Variants in DNAH7 observed in about 807,000 individuals in gnomAD.
DNAH7 encodes dynein axonemal heavy chain 7, also known as axonemal beta dynein heavy chain 7.
A neutral mutation model predicts 444.6 loss-of-function variants in DNAH7; 397 were observed. The observed-to-expected ratio is 0.89, with a 90% CI of 0.82 to 0.97. DNAH7 has a LOEUF of 0.97. Ranked by LOEUF, DNAH7 falls within the 50% of genes least tolerant of loss-of-function variation. DNAH7 has a pLI of 0.00. For missense variants in DNAH7, 4,902 were observed against 4,800.8 expected, an observed-to-expected ratio of 1.02 and a Z score of -0.62; for synonymous variants, 1,636 against 1,624.4, an observed-to-expected ratio of 1.01 and a Z score of -0.17.
intron 6 of DNAH7, among the ~76,000 whole-genome samples, chr2:196,027,220 A>C (rs1259253580): frequency 1.3e-5 from 2 of 152,020 alleles, no homozygotes. Flanking sequence ...GTCCATGCTG[A>C]ATTAGTGTTT....
At chr2:196,025,224 C>A (rs1695609628) in intron 7 of DNAH7, among the ~76,000 whole-genome samples, 1 of 152,118 alleles carries the variant, frequency 6.6e-6, no homozygotes, top group Non-Finnish European at 1.5e-5. Flanking sequence ...GCCTTGTTCT[C>A]TTTTAAGTTG....
chr2:195,779,128 G>C (rs1851148), intron 58 of DNAH7, among the ~76,000 whole-genome samples: 152,364 of 152,366 alleles, frequency 1, 76,181 homozygotes, highest in Non-Finnish European at 1. Context: ...CAGGCGTGAC[G>C]TACCGCTCCC....
At chr2:195,769,659 C>T (rs929049500) in intron 61 of DNAH7, among the ~76,000 whole-genome samples, 13 of 152,002 alleles carry the variant, frequency 8.6e-5, no homozygotes, top group African/African-American at 3.1e-4. Context: ...GACATTATGA[C>T]TTCTGTTCGT....
At chr2:196,054,750 T>C (rs971872649) in intron 2 of DNAH7, among the ~76,000 whole-genome samples, 1 of 152,088 alleles carries the variant, frequency 6.6e-6, no homozygotes, top group Non-Finnish European at 1.5e-5. Flanking sequence ...GGGAGCAGTT[T>C]CCCCCATGCT....
chr2:195,836,878 G>A (rs1341816369), intron 47 of DNAH7, among the ~76,000 whole-genome samples: 1 of 152,034 alleles, frequency 6.6e-6, no homozygotes, highest in African/African-American at 2.4e-5. Flanking sequence ...TGTTCATCCT[G>A]TTTATTTGTC....
chr2:195,794,865 A>G (rs949084076), intron 56 of DNAH7, among the ~76,000 whole-genome samples: 4 of 152,232 alleles, frequency 2.6e-5, no homozygotes, highest in African/African-American at 7.2e-5. Flanking sequence ...TGTTGCTGAA[A>G]TATTTACAGA....
chr2:195,888,263 T>C lies in DNAH7; in HGVS notation c.5401A>G (p.Thr1801Ala). 6.2e-7 allele frequency: 1 copy of C among 1,607,572 alleles called. No individual in the cohort carries two copies. Among genetic ancestry groups the C allele is most frequent in the Non-Finnish European group, 8.5e-7 (1 of 1,177,738 alleles). Residue 1801 changes from threonine (T) to alanine (A), a missense_variant, in exon 33 of 65, where the codon ACA becomes GCA. Thr to Ala is a moderately conservative substitution (Grantham distance 58, BLOSUM62 0). Coordinates refer to ENST00000312428, the MANE Select transcript of DNAH7 (RefSeq NM_018897.3). ...PVSVEFIRKHTKELSPTSDTN... is the reference protein window; with the variant it reads ...PVSVEFIRKHAKELSPTSDTN... ...AAAATTCTCATTTCCCTTACCTTTG[T>C]ATGCTTTCTAATAAATTCAACCGAA...
At chr2:196,051,355 C>T (rs762539993) in intron 2 of DNAH7, 106 bp from the exon 3 acceptor site, 3 of 832,714 alleles carry the variant, frequency 3.6e-6, no homozygotes, top group Non-Finnish European at 6.2e-6. Flanking sequence ...TACATATTAT[C>T]CAACATATTC....
At chr2:196,031,490 A>G (rs1207799827) in intron 5 of DNAH7, among the ~76,000 whole-genome samples, 8 of 152,188 alleles carry the variant, frequency 5.3e-5, no homozygotes, top group Admixed American at 5.2e-4. Context: ...CTCCTCTGAA[A>G]ATAAGATTTT....
intron 63 of DNAH7, among the ~76,000 whole-genome samples, chr2:195,752,496 T>G (rs1023174783): frequency 2.0e-5 from 3 of 152,142 alleles, no homozygotes; most frequent in Non-Finnish European, 2.9e-5. Flanking sequence ...AGATCTAGAT[T>G]GAAGATTCAG....
At position 196,023,539 on chromosome 2, in the gene DNAH7, C is replaced by G. The variant is rs138398625; in HGVS notation, c.743+890G>C. ...AACATTTCTTCTGCAGCTTCCTTAC[C>G]TTTCTCAGCCTTTACGGAACTGAAG... On this transcript the variant is annotated intron_variant, in intron 8 of 64. Coordinates refer to ENST00000312428, the MANE Select transcript of DNAH7 (RefSeq NM_018897.3). Among the ~76,000 whole-genome samples, 468 of 152,288 alleles carry G rather than the reference C, an allele frequency of 3.1e-3. 4 individuals carry two copies. The highest frequency in any genetic ancestry group is 5.4e-3 in the Non-Finnish European group (367 of 68,022).
At chr2:195,908,999 C>T (rs944410605) in intron 25 of DNAH7, among the ~76,000 whole-genome samples, 26 of 151,852 alleles carry the variant, frequency 1.7e-4, no homozygotes, top group African/African-American at 3.4e-4. Context: ...AATTTGGAAA[C>T]GTAAACATTC....
Position 195,749,810 on chromosome 2 carries a change from C to T in DNAH7, c.11764+4527G>A, listed in dbSNP as rs190128929. The stretch of plus-strand genomic sequence containing the variant: ...GGACACATGGACACAGGAAGGGGAA[C>T]ATCACACTCTGGGGACTGTTGTGGG... On this transcript the variant is annotated intron_variant, in intron 63 of 64. Coordinates refer to ENST00000312428, the MANE Select transcript of DNAH7 (RefSeq NM_018897.3). 3.1e-3 allele frequency among the ~76,000 whole-genome samples: 420 copies of T among 136,978 alleles called. 3 individuals are homozygous for T. Among genetic ancestry groups the T allele is most frequent in the African/African-American group, 0.011 (393 of 36,342 alleles). The allele number at this position is 136,978 out of a possible 152,430, so 89.9% of individuals were successfully genotyped here. A position where few individuals can be genotyped will look rare whatever the true frequency, so the allele number is the denominator to read the frequency against.
intron 46 of DNAH7, among the ~76,000 whole-genome samples, chr2:195,850,978 G>T (rs944004567): frequency 6.6e-6 from 1 of 152,180 alleles, no homozygotes; most frequent in Non-Finnish European, 1.5e-5. Flanking sequence ...ATTAAGGACT[G>T]CTCAAGAGGG....
chr2:195,899,426 A>G (rs772429797), intron 28 of DNAH7, among the ~76,000 whole-genome samples: 4 of 152,206 alleles, frequency 2.6e-5, no homozygotes, highest in Admixed American at 6.5e-5. Flanking sequence ...ACTTCCCATT[A>G]TCTGACCACA....
At chr2:196,028,198 G>T in intron 5 of DNAH7, 151 bp from the exon 6 acceptor site, 1 of 588,226 alleles carries the variant, frequency 1.7e-6, no homozygotes, top group Non-Finnish European at 2.9e-6. Flanking sequence ...ACATTTGTTT[G>T]GTGCTATATT....
intron 27 of DNAH7, chr2:195,902,095 A>T (rs577065415): frequency 6.6e-6 from 1 of 152,288 alleles, no homozygotes; most frequent in East Asian, 1.9e-4. Flanking sequence ...GTTCATAAGT[A>T]CATTCTGGGA....
At chr2:195,963,328 T>C (rs1018221001) in intron 17 of DNAH7, among the ~76,000 whole-genome samples, 9 of 152,222 alleles carry the variant, frequency 5.9e-5, no homozygotes, top group African/African-American at 2.2e-4. Context: ...TGGTATCTCA[T>C]TGTAGTTTTG....
intron 5 of DNAH7, among the ~76,000 whole-genome samples, chr2:196,045,823 C>G (rs1022012703): frequency 6.6e-6 from 1 of 151,402 alleles, no homozygotes; most frequent in Non-Finnish European, 1.5e-5. Context: ...CAACAGAAAG[C>G]AGAAAAAGAG....
Sources: allele counts gnomAD v4.1 joint callset (sites outside exome capture counted in the v4.1 genomes callset), GRCh38; gene constraint gnomAD v4.1.1; transcripts MANE v1.5; gene names NCBI Gene and HGNC (gene_info 2026-07-23, HGNC 2026-07-21).